The following SLC1A2 variants were observed in gnomAD, a reference collection of about 807,000 sequenced individuals.
SLC1A2 encodes the protein solute carrier family 1 member 2, also known as excitatory amino acid transporter 2.
Under a neutral mutation model 48.8 loss-of-function variants are expected in SLC1A2, and 15 were observed. The observed-to-expected ratio is 0.31, with a 90% confidence interval of 0.21 to 0.47. The LOEUF is 0.47. Among genes scored for constraint, SLC1A2 ranks in the 20% least tolerant of loss-of-function variants. The pLI, the probability that SLC1A2 is intolerant of heterozygous loss-of-function variation, is 0.99. For missense variants in SLC1A2, 502 were observed against 730.5 expected, an observed-to-expected ratio of 0.69 and a Z score of 3.61; for synonymous variants, 279 against 272.6, an observed-to-expected ratio of 1.02 and a Z score of -0.23.
intron 1 of SLC1A2, among the ~76,000 whole-genome samples, chr11:35,395,550 G>A (rs1259020130): frequency 2.0e-5 from 3 of 152,062 alleles, no homozygotes; most frequent in African/African-American, 7.2e-5. Context: ...GCAGGCAGCA[G>A]GCAAGTCTCC....
At chr11:35,411,307 T>C (rs1329054934) in intron 1 of SLC1A2, among the ~76,000 whole-genome samples, 1 of 152,254 alleles carries the variant, frequency 6.6e-6, no homozygotes, top group Non-Finnish European at 1.5e-5. Context: ...ATCAGCCACT[T>C]TAGAATGTCT....
intron 1 of SLC1A2, among the ~76,000 whole-genome samples, chr11:35,399,071 A>G (rs1207276007): frequency 2.0e-5 from 3 of 152,222 alleles, no homozygotes; most frequent in Non-Finnish European, 4.4e-5. Flanking sequence ...GTTTATTTGC[A>G]TCAGCCTGCC....
intron 8 of SLC1A2, among the ~76,000 whole-genome samples, 159 bp from the exon 9 acceptor site, chr11:35,281,160 G>A (rs1850621507): frequency 6.6e-6 from 1 of 151,902 alleles, no homozygotes; most frequent in Non-Finnish European, 1.5e-5. Flanking sequence ...AAAGTACTAA[G>A]ACCAAGGAAT....
intron 10 of SLC1A2, among the ~76,000 whole-genome samples, chr11:35,262,333 G>GT (rs1280192788): frequency 6.6e-5 from 10 of 152,218 alleles, no homozygotes; most frequent in East Asian, 1.9e-4. Flanking sequence ...TTTTTGTTTT[G>GT]TTTTTTTGTT....
At chr11:35,286,729 G>A (rs953789805) in intron 8 of SLC1A2, 28 bp downstream of exon 8, 2 of 1,569,418 alleles carry the variant, frequency 1.3e-6, no homozygotes, top group Non-Finnish European at 1.7e-6. Flanking sequence ...GGTAGAGGTT[G>A]TTTTGTGTTT....
chr11:35,412,708 C>G (rs973337527), intron 1 of SLC1A2, among the ~76,000 whole-genome samples: 2 of 152,234 alleles, frequency 1.3e-5, no homozygotes, highest in Admixed American at 1.3e-4. Flanking sequence ...CAACCCTAAA[C>G]AGCCACACCT....
chr11:35,265,325 T>C, intron 10 of SLC1A2: 1 of 563,878 alleles, frequency 1.8e-6, no homozygotes, highest in Non-Finnish European at 3.1e-6. Context: ...ATTGACTCTT[T>C]CTCCATCAGA....
chr11:35,275,339 C>T (rs1297814840), intron 9 of SLC1A2, among the ~76,000 whole-genome samples: 1 of 152,182 alleles, frequency 6.6e-6, no homozygotes, highest in African/African-American at 2.4e-5. Flanking sequence ...TTTTGATTTT[C>T]CTTTTCCTAC....
At chr11:35,395,395 A>T (rs1382409721) in intron 1 of SLC1A2, among the ~76,000 whole-genome samples, 1 of 152,084 alleles carries the variant, frequency 6.6e-6, no homozygotes, top group Admixed American at 6.6e-5. Context: ...AGCAAAGGGA[A>T]GTGTAGCTCT....
At chr11:35,325,111 C>CA (rs1458665134) in intron 1 of SLC1A2, among the ~76,000 whole-genome samples, 1 of 152,216 alleles carries the variant, frequency 6.6e-6, no homozygotes, top group Non-Finnish European at 1.5e-5. Context: ...GAGGAAGATT[C>CA]ATGTGGCATG....
intron 7 of SLC1A2, among the ~76,000 whole-genome samples, chr11:35,288,898 C>T (rs2134729497): frequency 6.6e-6 from 1 of 151,868 alleles, no homozygotes; most frequent in Middle Eastern, 3.4e-3. Context: ...TCCTCTATTT[C>T]TCTACTGGAC....
chr11:35,354,725 G>A (rs1049627533), intron 1 of SLC1A2, among the ~76,000 whole-genome samples: 1 of 152,088 alleles, frequency 6.6e-6, no homozygotes, highest in African/African-American at 2.4e-5. Flanking sequence ...AGCCAGCCAT[G>A]GGCAATTCCT....
chr11:35,404,880 C>A (rs1412921028), intron 1 of SLC1A2, among the ~76,000 whole-genome samples: 1 of 152,162 alleles, frequency 6.6e-6, no homozygotes, highest in Non-Finnish European at 1.5e-5. Flanking sequence ...ACGAGAAAAC[C>A]CAGCATCTCG....
At chr11:35,307,324 G>T (rs1221221136) in intron 4 of SLC1A2, 2 of 152,204 alleles carry the variant, frequency 1.3e-5, no homozygotes, top group African/African-American at 2.4e-5. Context: ...TTCAAGGTGG[G>T]AAGACAGCCA....
chr11:35,349,836 A>T (rs148226566), intron 1 of SLC1A2, among the ~76,000 whole-genome samples: 1 of 152,252 alleles, frequency 6.6e-6, no homozygotes, highest in African/African-American at 2.4e-5. Context: ...ACAGTTTAGT[A>T]ATTGAAAAGG....
chr11:35,362,278 C>T (rs1314025596), intron 1 of SLC1A2, among the ~76,000 whole-genome samples: 1 of 152,234 alleles, frequency 6.6e-6, no homozygotes, highest in African/African-American at 2.4e-5. Context: ...TCATAGCTGT[C>T]TCTGGCCCCT....
intron 1 of SLC1A2, among the ~76,000 whole-genome samples, chr11:35,415,995 G>A (rs909965601): frequency 1.3e-5 from 2 of 152,196 alleles, no homozygotes; most frequent in Admixed American, 1.3e-4. Flanking sequence ...CGTAATTCTA[G>A]CCATGACAGG....
chr11:35,352,584 A>AG (rs1853304424), intron 1 of SLC1A2, among the ~76,000 whole-genome samples: 2 of 152,170 alleles, frequency 1.3e-5, no homozygotes, highest in African/African-American at 4.8e-5. Context: ...GAAAGCAGTA[A>AG]GGCCCCAGTT....
intron 5 of SLC1A2, among the ~76,000 whole-genome samples, chr11:35,305,070 C>T (rs1851463044): frequency 6.6e-6 from 1 of 152,140 alleles, no homozygotes; most frequent in Non-Finnish European, 1.5e-5. Context: ...CCAGATTCAC[C>T]ATTTCTCCCA....
Sources: gnomAD v4.1 joint callset for allele counts (sites outside exome capture counted in the v4.1 genomes callset) on GRCh38, gnomAD v4.1.1 for gene constraint, MANE v1.5 for transcripts, NCBI Gene and HGNC (gene_info 2026-07-23, HGNC 2026-07-21) for gene names.